The following DYNC2LI1 variants were observed in gnomAD, a reference collection of about 807,000 sequenced individuals.
The protein encoded by DYNC2LI1 is cytoplasmic dynein 2 light intermediate chain 1.
In DYNC2LI1, 45 loss-of-function variants were observed where a neutral mutation model predicts 51.9. The ratio of observed to expected loss-of-function variants is 0.87; its 90% confidence interval spans 0.68 to 1.11. The LOEUF is 1.11. Among genes scored for constraint, DYNC2LI1 ranks in the 50% most tolerant of loss-of-function variants. The pLI is 0.00. For missense variants in DYNC2LI1, 490 were observed against 417.4 expected (o/e 1.17, Z -1.51); for synonymous variants, 130 against 137.8 (o/e 0.94, Z 0.40).
chr2:43,794,571 G>C lies in DYNC2LI1; in HGVS notation c.435G>C (p.Leu145=). 6.2e-7 allele frequency: 1 copy of C among 1,614,064 alleles called. No individual in the cohort carries two copies. The highest frequency in any genetic ancestry group is 8.5e-7 in the Non-Finnish European group (1 of 1,179,996). The change falls in exon 6 of 13, where the codon CTG becomes CTC. Residue 145 remains leucine, a synonymous_variant. Transcript: ENST00000260605. ...KSHVDKVIMK[L]GKTNAKAVSE... is the part of the protein sequence containing the mutation. ...ATGTAGACAAAGTGATAATGAAACT[G>C]GGAAAGACAAATGCTAAAGCAGTTT...
intron 6 of DYNC2LI1, 51 bp from the exon 7 acceptor site, chr2:43,795,839 C>T: frequency 2.2e-6 from 3 of 1,364,612 alleles, no homozygotes; most frequent in Non-Finnish European, 3.1e-6. Flanking sequence ...AATTGCTAAG[C>T]ACCTAGCAAT....
chr2:43,806,757 G>C (rs3792012), intron 12 of DYNC2LI1, among the ~76,000 whole-genome samples: 2 of 151,924 alleles, frequency 1.3e-5, no homozygotes, highest in Admixed American at 1.3e-4. Flanking sequence ...ATTCAAATCT[G>C]TCTTCTCTAA....
At chr2:43,810,711 G>A (rs965685807), downstream of DYNC2LI1, among the ~76,000 whole-genome samples, 1 of 152,160 alleles carries the variant, frequency 6.6e-6, no homozygotes, top group African/African-American at 2.4e-5. Flanking sequence ...CAGTACGTAT[G>A]GTTCTGACAC....
intron 4 of DYNC2LI1, 118 bp from the exon 5 acceptor site, chr2:43,789,515 G>A (rs578073494): frequency 6.6e-4 from 528 of 802,714 alleles, no homozygotes; most frequent in Non-Finnish European, 8.0e-4. Flanking sequence ...AATTTTGACT[G>A]CCAAGAAAGG....
chr2:43,795,871 GA>G lies in DYNC2LI1; in HGVS notation c.508-16del. 1 of 1,600,466 alleles carries G rather than the reference GA, an allele frequency of 6.2e-7. No individual in the cohort carries two copies. Among genetic ancestry groups the G allele is most frequent in the Middle Eastern group, 1.7e-4 (1 of 6,038 alleles). ...CAATAAAGAATTACAACAACTCAAG[GA>G]AATATGTTTATTAGCAGGATCATGA... On this transcript the variant is annotated intron_variant, in intron 6 of 12. Transcript: ENST00000260605.
chr2:43,782,424 G>T (rs904352219), intron 2 of DYNC2LI1, among the ~76,000 whole-genome samples: 48 of 151,164 alleles, frequency 3.2e-4, no homozygotes, highest in Admixed American at 4.6e-4. Context: ...TATAATAAGT[G>T]TTCTGTGTTT....
the DYNC2LI1 span, chr2:43,826,484 G>A: frequency 6.2e-7 from 1 of 1,614,188 alleles, no homozygotes; most frequent in Admixed American, 1.7e-5. Flanking sequence ...CAGTCATGCA[G>A]TCCAGGCCTG....
intron 6 of DYNC2LI1, chr2:43,795,204 C>G (rs1673976280): frequency 2.0e-6 from 2 of 988,706 alleles, no homozygotes; most frequent in African/African-American, 3.5e-5. Flanking sequence ...TTATATTATC[C>G]AGAGTTTATA....
At chr2:43,824,860 A>C in the DYNC2LI1 span, 1 of 1,612,726 alleles carries the variant, frequency 6.2e-7, no homozygotes, top group Non-Finnish European at 8.5e-7. Flanking sequence ...AAAAACATTC[A>C]TGATGGGGAA....
Position 43,774,125 on chromosome 2 carries a change from C to G in DYNC2LI1, c.-14C>G, listed in dbSNP as rs1301941798. 3 of 1,613,608 alleles carry G rather than the reference C, an allele frequency of 1.9e-6. No individual in the cohort carries two copies. Among genetic ancestry groups the G allele is most frequent in the African/African-American group, 2.7e-5 (2 of 74,924 alleles). The stretch of plus-strand genomic sequence containing the variant: ...TCCGAGCCTGTGACGTTTGCGGCAG[C>G]CAGGCCGTCGACGATGCCCAGGTAT... On this transcript the variant is annotated 5_prime_UTR_variant, in exon 1 of 13. Coordinates refer to ENST00000260605, the MANE Select transcript of DYNC2LI1 (RefSeq NM_016008.4).
At chr2:43,781,251 C>T (rs1673264257) in intron 2 of DYNC2LI1, among the ~76,000 whole-genome samples, 1 of 151,932 alleles carries the variant, frequency 6.6e-6, no homozygotes, top group Non-Finnish European at 1.5e-5. Flanking sequence ...TACTGGTAAT[C>T]CCAGCTACTC....
intron 5 of DYNC2LI1, chr2:43,793,632 G>C (rs950160707): frequency 1.3e-5 from 2 of 149,524 alleles, no homozygotes; most frequent in Non-Finnish European, 3.0e-5. Context: ...GTTGAGTTGG[G>C]GTCTCACTAT....
intron 5 of DYNC2LI1, among the ~76,000 whole-genome samples, chr2:43,791,582 C>A (rs1673785670): frequency 6.6e-6 from 1 of 152,114 alleles, no homozygotes. Flanking sequence ...AGGCTTGGGT[C>A]TAAAGTAGGT....
At chr2:43,784,250 A>G (rs1673417781) in intron 3 of DYNC2LI1, among the ~76,000 whole-genome samples, 1 of 152,186 alleles carries the variant, frequency 6.6e-6, no homozygotes, top group South Asian at 2.1e-4. Flanking sequence ...AATTCCTTTC[A>G]CCAACAATAT....
intron 7 of DYNC2LI1, among the ~76,000 whole-genome samples, chr2:43,796,279 G>A (rs1313736668): frequency 6.6e-6 from 1 of 150,472 alleles, no homozygotes; most frequent in Non-Finnish European, 1.5e-5. Flanking sequence ...GTTACAGTGA[G>A]CTGTAATCAC....
downstream of DYNC2LI1, chr2:43,813,299 A>G: frequency 1.2e-6 from 2 of 1,612,560 alleles, no homozygotes; most frequent in Non-Finnish European, 1.7e-6. Flanking sequence ...TCACAGAAAC[A>G]TTTGAGCTGC....
intron 10 of DYNC2LI1, among the ~76,000 whole-genome samples, chr2:43,803,621 C>G (rs1572719220): frequency 6.6e-6 from 1 of 151,984 alleles, no homozygotes; most frequent in Non-Finnish European, 1.5e-5. Context: ...GTTGGTGTCT[C>G]GACTGTGGTA....
intron 12 of DYNC2LI1, among the ~76,000 whole-genome samples, chr2:43,808,619 T>G (rs1473611015): frequency 6.6e-6 from 1 of 152,198 alleles, no homozygotes; most frequent in African/African-American, 2.4e-5. Context: ...TAAAATTTAT[T>G]TATGAATTGT....
At chr2:43,792,875 T>C in intron 5 of DYNC2LI1, 1 of 1,394,624 alleles carries the variant, frequency 7.2e-7, no homozygotes, top group Non-Finnish European at 9.4e-7. Flanking sequence ...TGTAAACAAA[T>C]ACCACAGTTC....
Sources: allele counts gnomAD v4.1 joint callset (sites outside exome capture counted in the v4.1 genomes callset), GRCh38; gene constraint gnomAD v4.1.1; transcripts MANE v1.5; gene names NCBI Gene and HGNC (gene_info 2026-07-23, HGNC 2026-07-21).